The following NXPE2 variants were observed in gnomAD, a reference collection of about 807,000 sequenced individuals.
The protein encoded by NXPE2 is NXPE family member 2.
Under a neutral mutation model 34.4 loss-of-function variants are expected in NXPE2, and 34 were observed. The ratio of observed to expected loss-of-function variants is 0.99; its 90% CI spans 0.75 to 1.31. The LOEUF (loss-of-function observed/expected upper bound fraction) is 1.31. Among genes scored for constraint, NXPE2 ranks in the 40% most tolerant of loss-of-function variants. The pLI, the probability that NXPE2 is intolerant of heterozygous loss-of-function variation, is 0.00. For synonymous variants in NXPE2, 235 were observed against 231.3 expected, an observed-to-expected ratio of 1.02 and a Z score of -0.15; for missense variants, 649 against 672.5, an observed-to-expected ratio of 0.97 and a Z score of 0.39.
the NXPE2 span, among the ~76,000 whole-genome samples, chr11:114,607,776 A>G: frequency 6.6e-6 from 1 of 151,868 alleles, no homozygotes; most frequent in Admixed American, 6.6e-5. Context: ...TAGGGTAACC[A>G]CTGTTACACG....
the NXPE2 span, among the ~76,000 whole-genome samples, chr11:114,736,597 A>G: frequency 6.6e-6 from 1 of 152,148 alleles, no homozygotes; most frequent in Non-Finnish European, 1.5e-5. Context: ...ATGCTCTACA[A>G]TTTGTGCAGT....
the NXPE2 span, chr11:114,552,074 G>A: frequency 6.6e-6 from 1 of 152,192 alleles, no homozygotes; most frequent in Non-Finnish European, 1.5e-5. Context: ...GATGCGCAGA[G>A]CAATTTAGAT....
rs755118058 is a variant in NXPE2 at position 114,698,637 on chromosome 11, G to T, written c.725G>T (p.Cys242Phe). ...GLTLNTNAEL[C>F]QYMDDRDQEA... is the part of the protein sequence containing the mutation. The stretch of plus-strand genomic sequence containing the variant: ...ACCCTAAACACAAATGCTGAACTGT[G>T]CCAGTACATGGATGACAGAGACCAA... Residue 242 changes from cysteine (C) to phenylalanine (F), a missense_variant, in exon 3 of 6, where the codon TGC becomes TTC. Coordinates refer to ENST00000389586, the MANE Select transcript of NXPE2 (RefSeq NM_182495.6). 1 of 1,614,152 alleles carries T rather than the reference G, an allele frequency of 6.2e-7. No homozygotes were observed. Among genetic ancestry groups the T allele is most frequent in the South Asian group, 1.1e-5 (1 of 91,074 alleles).
At chr11:114,634,021 C>G in the NXPE2 span, among the ~76,000 whole-genome samples, 1 of 151,830 alleles carries the variant, frequency 6.6e-6, no homozygotes, top group Non-Finnish European at 1.5e-5. Context: ...AGTTCTAGAT[C>G]CCTGAGGATT....
chr11:114,807,192 C>A, the NXPE2 span, among the ~76,000 whole-genome samples: 24 of 149,454 alleles, frequency 1.6e-4, no homozygotes, highest in South Asian at 6.6e-4. Context: ...CTGAAGGAAG[C>A]ACTAAACATG....
At chr11:114,747,280 G>T in the NXPE2 span, among the ~76,000 whole-genome samples, 4 of 150,820 alleles carry the variant, frequency 2.7e-5, no homozygotes, top group East Asian at 5.9e-4. Context: ...GACCCAGGCC[G>T]ATAGAGAACC....
At chr11:114,777,331 T>C in the NXPE2 span, among the ~76,000 whole-genome samples, 24,360 of 152,196 alleles carry the variant, frequency 0.16, 1,997 homozygotes, top group Admixed American at 0.21. Flanking sequence ...CCTTGTTACA[T>C]GATTTGGGGA....
the NXPE2 span, among the ~76,000 whole-genome samples, chr11:114,468,856 G>C: frequency 6.6e-6 from 1 of 152,142 alleles, no homozygotes. Context: ...TCATATATCT[G>C]ATGGAGACTC....
chr11:114,584,708 C>G, the NXPE2 span: 1 of 153,132 alleles, frequency 6.5e-6, no homozygotes, highest in African/African-American at 2.4e-5. Flanking sequence ...GGGAACCTCC[C>G]CTGCTCTGGC....
the NXPE2 span, among the ~76,000 whole-genome samples, chr11:114,811,951 C>A: frequency 1.3e-5 from 2 of 152,134 alleles, no homozygotes; most frequent in Non-Finnish European, 2.9e-5. Context: ...AATTAACTAT[C>A]GCATGCTTAG....
chr11:114,742,593 T>C, the NXPE2 span, among the ~76,000 whole-genome samples: 3 of 150,638 alleles, frequency 2.0e-5, no homozygotes, highest in East Asian at 5.9e-4. Flanking sequence ...AAATTGTTCT[T>C]ACTTTCTTCA....
the NXPE2 span, among the ~76,000 whole-genome samples, chr11:114,657,201 G>C: frequency 1.3e-5 from 2 of 152,154 alleles, no homozygotes; most frequent in African/African-American, 4.8e-5. Context: ...GAATTCCCCT[G>C]ATGCCTTCTC....
chr11:114,624,859 C>T, the NXPE2 span, among the ~76,000 whole-genome samples: 1 of 152,036 alleles, frequency 6.6e-6, no homozygotes, highest in Non-Finnish European at 1.5e-5. Context: ...ATAAGTACTG[C>T]CTCATGGGAA....
the NXPE2 span, among the ~76,000 whole-genome samples, chr11:114,785,091 AGGCCT>A: frequency 6.6e-6 from 1 of 152,146 alleles, no homozygotes; most frequent in African/African-American, 2.4e-5. Flanking sequence ...TCTATTAATC[AGGCCT>A]CTCCGTAGCT....
the NXPE2 span, among the ~76,000 whole-genome samples, chr11:114,574,393 T>A: frequency 2.0e-5 from 3 of 151,078 alleles, no homozygotes; most frequent in Non-Finnish European, 4.4e-5. Flanking sequence ...ACAAAAGTAA[T>A]ACAAAAATAA....
At chr11:114,552,762 A>G in the NXPE2 span, 1 of 416,264 alleles carries the variant, frequency 2.4e-6, no homozygotes, top group African/African-American at 2.2e-5. Context: ...AAAAAAAAGT[A>G]TGATTGCTAT....
the NXPE2 span, among the ~76,000 whole-genome samples, chr11:114,596,149 A>G: frequency 1.3e-5 from 2 of 152,196 alleles, no homozygotes; most frequent in Non-Finnish European, 2.9e-5. Flanking sequence ...AGTGCGTATT[A>G]TCTCATACAT....
At chr11:114,617,616 G>T in the NXPE2 span, among the ~76,000 whole-genome samples, 1 of 151,818 alleles carries the variant, frequency 6.6e-6, no homozygotes. Context: ...GTTGCCTTTA[G>T]GGTAACCACT....
the NXPE2 span, among the ~76,000 whole-genome samples, chr11:114,719,594 A>G: frequency 6.6e-6 from 1 of 152,340 alleles, no homozygotes; most frequent in East Asian, 1.9e-4. Context: ...GCAGAGAAGG[A>G]GTTTATAACA....
Sources: gnomAD v4.1 joint callset for allele counts (sites outside exome capture counted in the v4.1 genomes callset) on GRCh38, gnomAD v4.1.1 for gene constraint, MANE v1.5 for transcripts, NCBI Gene and HGNC (gene_info 2026-07-23, HGNC 2026-07-21) for gene names.